DAB1: variants seen among roughly 807,000 people sequenced by gnomAD.
DAB1 encodes the protein DAB adaptor protein 1.
A neutral mutation model predicts 64.6 loss-of-function variants in DAB1; 15 were observed. The ratio of observed to expected loss-of-function variants is 0.23; its 90% CI spans 0.16 to 0.36. The LOEUF (loss-of-function observed/expected upper bound fraction) is 0.36. DAB1 is among the 10% of genes least tolerant of loss of function. The pLI, the probability that DAB1 is intolerant of heterozygous loss-of-function variation, is 1.00. For synonymous variants in DAB1, 235 were observed against 251.9 expected, an observed-to-expected ratio of 0.93 and a Z score of 0.64; for missense variants, 596 against 706.7, an observed-to-expected ratio of 0.84 and a Z score of 1.78.
chr1:57,746,082 C>T (rs1240145521), intron 6 of DAB1, among the ~76,000 whole-genome samples: 1 of 152,092 alleles, frequency 6.6e-6, no homozygotes, highest in Non-Finnish European at 1.5e-5. Context: ...ATCCTTTCCC[C>T]AATTGATGAA....
At chr1:58,027,691 G>A (rs1392304961) in intron 5 of DAB1, among the ~76,000 whole-genome samples, 1 of 152,088 alleles carries the variant, frequency 6.6e-6, no homozygotes, top group African/African-American at 2.4e-5. Flanking sequence ...ACTTCTCGGA[G>A]TCTCTAAAAT....
intron 4 of DAB1, among the ~76,000 whole-genome samples, chr1:58,341,857 G>C (rs772730081): frequency 2.0e-4 from 30 of 152,196 alleles, no homozygotes; most frequent in Admixed American, 1.3e-4. Context: ...ACTTTCTCTA[G>C]TCTGGTTAAC....
intron 6 of DAB1, among the ~76,000 whole-genome samples, chr1:57,714,685 T>C (rs1647065039): frequency 6.6e-6 from 1 of 152,176 alleles, no homozygotes. Flanking sequence ...GGAAAATGAA[T>C]TAGGGGCAAA....
chr1:58,452,505 G>A (rs1011054504), intron 3 of DAB1, among the ~76,000 whole-genome samples: 10 of 151,840 alleles, frequency 6.6e-5, no homozygotes, highest in African/African-American at 2.2e-4. Flanking sequence ...CTGCAAAAAA[G>A]TCTACAGTTT....
chr1:57,536,660 A>T (rs1269159518), intron 7 of DAB1, among the ~76,000 whole-genome samples: 19 of 151,622 alleles, frequency 1.3e-4, no homozygotes. Flanking sequence ...ACTTACTCTT[A>T]AAACCTGGTG....
intron 2 of DAB1, among the ~76,000 whole-genome samples, chr1:57,247,792 G>A (rs192619514): frequency 6.6e-6 from 1 of 152,258 alleles, no homozygotes; most frequent in East Asian, 1.9e-4. Context: ...CACTTATATG[G>A]ATGCTCTTTT....
At chr1:57,695,226 TAAGA>T (rs1557427510) in intron 6 of DAB1, among the ~76,000 whole-genome samples, 1 of 141,672 alleles carries the variant, frequency 7.1e-6, no homozygotes, top group African/African-American at 2.7e-5. Context: ...CCTGTTTCTC[TAAGA>T]AAGAAAGGAA....
At chr1:57,724,814 C>G (rs1647190176) in intron 6 of DAB1, among the ~76,000 whole-genome samples, 1 of 152,200 alleles carries the variant, frequency 6.6e-6, no homozygotes, top group South Asian at 2.1e-4. Flanking sequence ...CCTACTGCCC[C>G]ATCTCCCTGG....
intron 4 of DAB1, among the ~76,000 whole-genome samples, chr1:58,170,362 T>TA: frequency 6.6e-6 from 1 of 152,084 alleles, no homozygotes; most frequent in African/African-American, 2.4e-5. Flanking sequence ...CTTAAGAAAA[T>TA]AGACTCCCCT....
chr1:58,024,111 A>G (rs1224047438), intron 5 of DAB1, among the ~76,000 whole-genome samples: 1 of 152,218 alleles, frequency 6.6e-6, no homozygotes, highest in Non-Finnish European at 1.5e-5. Flanking sequence ...CATTAAGTAC[A>G]AACATAGCTC....
intron 7 of DAB1, among the ~76,000 whole-genome samples, chr1:57,606,596 AT>A (rs1349412435): frequency 8.5e-6 from 1 of 117,648 alleles, no homozygotes; most frequent in East Asian, 2.2e-4. Context: ...AATATATTAT[AT>A]ATTATATATA....
chr1:57,637,309 T>A (rs1646068937), intron 7 of DAB1, among the ~76,000 whole-genome samples: 1 of 152,084 alleles, frequency 6.6e-6, no homozygotes, highest in African/African-American at 2.4e-5. Flanking sequence ...CTTCAGTGAG[T>A]CATATATTTT....
At chr1:58,408,432 G>A (rs1008180291) in intron 3 of DAB1, among the ~76,000 whole-genome samples, 1 of 152,128 alleles carries the variant, frequency 6.6e-6, no homozygotes, top group Non-Finnish European at 1.5e-5. Context: ...TTATTTGTTT[G>A]CATTTATTTT....
intron 5 of DAB1, among the ~76,000 whole-genome samples, chr1:57,910,357 C>T (rs556384356): frequency 3.9e-5 from 6 of 152,322 alleles, no homozygotes; most frequent in African/African-American, 1.4e-4. Flanking sequence ...GATTCTTCCA[C>T]CCTCTCCAAG....
intron 4 of DAB1, among the ~76,000 whole-genome samples, chr1:58,290,079 G>A (rs1661778190): frequency 6.6e-6 from 1 of 152,206 alleles, no homozygotes; most frequent in African/African-American, 2.4e-5. Context: ...TTGGCGACAT[G>A]TATTGTGCTA....
chr1:57,311,934 G>C (rs893712247), intron 1 of DAB1, among the ~76,000 whole-genome samples: 1 of 152,114 alleles, frequency 6.6e-6, no homozygotes, highest in Admixed American at 6.5e-5. Context: ...AAACGTTATG[G>C]TTTCTTAACC....
At chr1:58,073,368 A>AT (rs2100575906) in intron 5 of DAB1, among the ~76,000 whole-genome samples, 1 of 151,966 alleles carries the variant, frequency 6.6e-6, no homozygotes, top group South Asian at 2.1e-4. Flanking sequence ...CCCACCCTCA[A>AT]TTTCCACTGT....
chr1:57,060,908 A>G (rs1320319639), intron 9 of DAB1, among the ~76,000 whole-genome samples: 1 of 152,048 alleles, frequency 6.6e-6, no homozygotes, highest in African/African-American at 2.4e-5. Flanking sequence ...TAAATTCACA[A>G]AAACCAAGGC....
chr1:58,289,668 T>G (rs1661769200), intron 4 of DAB1, among the ~76,000 whole-genome samples: 1 of 151,926 alleles, frequency 6.6e-6, no homozygotes, highest in Non-Finnish European at 1.5e-5. Context: ...TAAATAGGAG[T>G]CTTGTGATGA....
Sources: allele counts gnomAD v4.1 joint callset (sites outside exome capture counted in the v4.1 genomes callset), GRCh38; gene constraint gnomAD v4.1.1; transcripts MANE v1.5; gene names NCBI Gene and HGNC (gene_info 2026-07-23, HGNC 2026-07-21).